Variants in NEK7 observed in about 807,000 individuals in gnomAD.
NEK7 encodes the protein NIMA related kinase 7, also known as serine/threonine-protein kinase Nek7.
Under a neutral mutation model 44.6 loss-of-function variants are expected in NEK7, and 18 were observed. The ratio of observed to expected loss-of-function variants is 0.40; its 90% CI spans 0.28 to 0.60. The LOEUF (loss-of-function observed/expected upper bound fraction) is 0.60, where lower values mean the gene tolerates loss of function less well. Among genes scored for constraint, NEK7 ranks in the 20% least tolerant of loss-of-function variants. NEK7 has a pLI of 0.38. For missense variants in NEK7, 256 were observed against 366.5 expected, an observed-to-expected ratio of 0.70 and a Z score of 2.46; for synonymous variants, 130 against 121.1, an observed-to-expected ratio of 1.07 and a Z score of -0.48.
chr1:198,216,388 T>C (rs1038404401), intron 1 of NEK7, among the ~76,000 whole-genome samples: 2 of 152,028 alleles, frequency 1.3e-5, no homozygotes, highest in Non-Finnish European at 2.9e-5. Flanking sequence ...AAATGAATGA[T>C]AACAGTGGCA....
chr1:198,200,974 C>T (rs1665414434), intron 1 of NEK7, among the ~76,000 whole-genome samples: 1 of 152,152 alleles, frequency 6.6e-6, no homozygotes, highest in South Asian at 2.1e-4. Context: ...TGGGAGATTA[C>T]AGACTTAATG....
At chr1:198,294,101 T>G (rs1012930605) in intron 8 of NEK7, among the ~76,000 whole-genome samples, 1 of 151,990 alleles carries the variant, frequency 6.6e-6, no homozygotes, top group Non-Finnish European at 1.5e-5. Flanking sequence ...TCATTGCAGA[T>G]TCAAATTTCC....
chr1:198,290,502 G>A (rs376381550), intron 7 of NEK7, among the ~76,000 whole-genome samples: 18 of 152,234 alleles, frequency 1.2e-4, no homozygotes, highest in African/African-American at 3.4e-4. Flanking sequence ...ATCAGTTTAC[G>A]TGATGGGGCT....
intron 1 of NEK7, among the ~76,000 whole-genome samples, chr1:198,224,751 A>G (rs549043474): frequency 5.3e-5 from 8 of 152,244 alleles, no homozygotes; most frequent in African/African-American, 1.9e-4. Context: ...TGGAGAATAT[A>G]TGTGGATATA....
At chr1:198,238,068 T>A (rs937410995) in intron 2 of NEK7, among the ~76,000 whole-genome samples, 10 of 152,208 alleles carry the variant, frequency 6.6e-5, no homozygotes, top group Non-Finnish European at 1.5e-4. Flanking sequence ...GCTTTTAAAA[T>A]GAACATGAAA....
intron 1 of NEK7, among the ~76,000 whole-genome samples, chr1:198,159,582 A>G (rs896693225): frequency 3.3e-5 from 5 of 152,200 alleles, no homozygotes; most frequent in African/African-American, 4.8e-5. Flanking sequence ...AATCTTACCA[A>G]TTTAACAAGA....
At chr1:198,226,315 C>T (rs1421337244) in intron 1 of NEK7, among the ~76,000 whole-genome samples, 4 of 151,934 alleles carry the variant, frequency 2.6e-5, no homozygotes, top group South Asian at 2.1e-4. Flanking sequence ...GAGGCCAAGG[C>T]GGGTGGATCA....
At chr1:198,310,831 G>C (rs1655160330) in intron 9 of NEK7, among the ~76,000 whole-genome samples, 1 of 151,962 alleles carries the variant, frequency 6.6e-6, no homozygotes, top group Admixed American at 6.6e-5. Context: ...TGCTGTTTTG[G>C]TTACTGTAGC....
intron 3 of NEK7, among the ~76,000 whole-genome samples, chr1:198,257,832 G>T (rs911909757): frequency 6.6e-6 from 1 of 152,036 alleles, no homozygotes; most frequent in African/African-American, 2.4e-5. Context: ...CAGTTTTATG[G>T]ATTGTTTAAC....
chr1:198,276,816 T>C (rs1654030508), intron 5 of NEK7, among the ~76,000 whole-genome samples: 1 of 151,690 alleles, frequency 6.6e-6, no homozygotes, highest in Non-Finnish European at 1.5e-5. Flanking sequence ...TTTTGCTAAG[T>C]ATGAAGTAAG....
chr1:198,230,885 T>C (rs1419313866), intron 1 of NEK7, among the ~76,000 whole-genome samples: 1 of 151,956 alleles, frequency 6.6e-6, no homozygotes, highest in Admixed American at 6.6e-5. Context: ...ACCAGTATAA[T>C]GAAACTGGAA....
At chr1:198,317,150 A>G (rs1001213102) in intron 9 of NEK7, among the ~76,000 whole-genome samples, 3 of 152,208 alleles carry the variant, frequency 2.0e-5, no homozygotes, top group Non-Finnish European at 4.4e-5. Flanking sequence ...TATTTCACAT[A>G]TCTGATTTTA....
chr1:198,165,882 C>G (rs1331671941), intron 1 of NEK7, among the ~76,000 whole-genome samples: 1 of 152,226 alleles, frequency 6.6e-6, no homozygotes, highest in Non-Finnish European at 1.5e-5. Context: ...CCACCTTTAT[C>G]AATGATCTTA....
At chr1:198,158,915 T>G (rs1664003804) in intron 1 of NEK7, among the ~76,000 whole-genome samples, 3 of 152,018 alleles carry the variant, frequency 2.0e-5, no homozygotes, top group Non-Finnish European at 4.4e-5. Flanking sequence ...TGAAAAAGCT[T>G]TGCCTCTCGG....
chr1:198,209,058 TAC>T (rs1192947076), intron 1 of NEK7, among the ~76,000 whole-genome samples: 68 of 101,804 alleles, frequency 6.7e-4, no homozygotes, highest in Non-Finnish European at 9.9e-4. Flanking sequence ...TATATATATA[TAC>T]ACACACACAT....
At chr1:198,207,457 A>G (rs1665630782) in intron 1 of NEK7, among the ~76,000 whole-genome samples, 1 of 152,160 alleles carries the variant, frequency 6.6e-6, no homozygotes, top group African/African-American at 2.4e-5. Flanking sequence ...TGAACTGGAA[A>G]CAATGCAGAC....
intron 7 of NEK7, among the ~76,000 whole-genome samples, chr1:198,292,117 C>T (rs114209645): frequency 6.6e-6 from 1 of 151,814 alleles, no homozygotes; most frequent in Non-Finnish European, 1.5e-5. Flanking sequence ...ATGAAATAGC[C>T]ATCTGAGTTT....
At chr1:198,310,724 C>G (rs1401884479) in intron 9 of NEK7, among the ~76,000 whole-genome samples, 3 of 152,038 alleles carry the variant, frequency 2.0e-5, no homozygotes, top group Non-Finnish European at 4.4e-5. Context: ...GCTTGTTTTT[C>G]TCAGGTTTGT....
intron 1 of NEK7, among the ~76,000 whole-genome samples, chr1:198,173,758 CATTT>C: frequency 6.6e-6 from 1 of 152,074 alleles, no homozygotes; most frequent in Non-Finnish European, 1.5e-5. Context: ...ATTAGATTTT[CATTT>C]ATTTGGTCAT....
Sources: gnomAD v4.1 joint callset for allele counts (sites outside exome capture counted in the v4.1 genomes callset) on GRCh38, gnomAD v4.1.1 for gene constraint, MANE v1.5 for transcripts, NCBI Gene and HGNC (gene_info 2026-07-23, HGNC 2026-07-21) for gene names.